Variants in NKAIN3 observed in about 807,000 individuals in gnomAD.
NKAIN3 encodes the protein sodium/potassium transporting ATPase interacting 3.
NKAIN3 carries 25 observed loss-of-function variants against 30.2 expected under a neutral mutation model. The observed-to-expected ratio is 0.83, with a 90% confidence interval of 0.60 to 1.16. The LOEUF is 1.16. Among genes scored for constraint, NKAIN3 ranks in the 50% most tolerant of loss-of-function variants. The pLI is 0.00. For missense variants in NKAIN3, 225 were observed against 254.1 expected (o/e 0.89, Z 0.78); for synonymous variants, 91 against 89.6 (o/e 1.02, Z -0.09).
intron 1 of NKAIN3, among the ~76,000 whole-genome samples, chr8:62,376,716 T>TA (rs1817095270): frequency 1.3e-5 from 2 of 152,196 alleles, no homozygotes. Flanking sequence ...GCCTAGGGAT[T>TA]ATATCATGGG....
At chr8:62,586,050 T>C (rs934863558) in intron 2 of NKAIN3, among the ~76,000 whole-genome samples, 5 of 152,202 alleles carry the variant, frequency 3.3e-5, no homozygotes, top group East Asian at 1.9e-4. Context: ...ACCTTGAAAT[T>C]AAAATTAGCT....
At chr8:62,395,379 C>T (rs979665392) in intron 1 of NKAIN3, among the ~76,000 whole-genome samples, 2 of 152,134 alleles carry the variant, frequency 1.3e-5, no homozygotes, top group African/African-American at 2.4e-5. Context: ...TGGGGGGTGG[C>T]CCGGCAGAAG....
chr8:62,579,915 G>C (rs1005821313), intron 2 of NKAIN3, among the ~76,000 whole-genome samples: 1 of 152,076 alleles, frequency 6.6e-6, no homozygotes, highest in Admixed American at 6.6e-5. Context: ...CACTCACAAC[G>C]TAACTGAATT....
intron 1 of NKAIN3, among the ~76,000 whole-genome samples, chr8:62,573,032 A>G (rs577023757): frequency 2.6e-5 from 4 of 152,210 alleles, no homozygotes; most frequent in Admixed American, 6.5e-5. Context: ...AATGATTCAT[A>G]GACTTGCAGG....
At chr8:62,856,948 C>T in intron 4 of NKAIN3, 1 of 567,382 alleles carries the variant, frequency 1.8e-6, no homozygotes, top group South Asian at 1.5e-5. Flanking sequence ...AAACATAGCC[C>T]TGGAGGCATC....
intron 4 of NKAIN3, among the ~76,000 whole-genome samples, chr8:62,773,138 T>G (rs1817077543): frequency 6.6e-6 from 1 of 152,190 alleles, no homozygotes; most frequent in Non-Finnish European, 1.5e-5. Flanking sequence ...CCCAGTCTAA[T>G]GTCTTGGAGA....
intron 1 of NKAIN3, among the ~76,000 whole-genome samples, chr8:62,557,691 C>T (rs979389294): frequency 1.3e-5 from 2 of 152,008 alleles, no homozygotes; most frequent in Non-Finnish European, 2.9e-5. Flanking sequence ...GTTTGTTGAC[C>T]ATTTGTATAT....
At chr8:62,274,366 T>G (rs1209196107) in intron 1 of NKAIN3, among the ~76,000 whole-genome samples, 1 of 152,126 alleles carries the variant, frequency 6.6e-6, no homozygotes, top group Non-Finnish European at 1.5e-5. Flanking sequence ...AAGTTGGGTG[T>G]AGTCTATGAT....
chr8:62,571,720 T>C (rs1252898602), intron 1 of NKAIN3, among the ~76,000 whole-genome samples: 1 of 152,170 alleles, frequency 6.6e-6, no homozygotes, highest in Non-Finnish European at 1.5e-5. Flanking sequence ...TAGACTTCTG[T>C]GCACCCACAG....
intron 4 of NKAIN3, chr8:62,856,874 A>G: frequency 1.7e-6 from 1 of 591,210 alleles, no homozygotes; most frequent in Non-Finnish European, 3.2e-6. Context: ...TTACTGATGT[A>G]CACACTTTGG....
chr8:62,676,629 C>T (rs1393189057), intron 3 of NKAIN3, among the ~76,000 whole-genome samples: 1 of 151,888 alleles, frequency 6.6e-6, no homozygotes, highest in Non-Finnish European at 1.5e-5. Flanking sequence ...GGTTTAAAAA[C>T]TAAAAATATC....
intron 1 of NKAIN3, among the ~76,000 whole-genome samples, chr8:62,303,799 A>T (rs906005052): frequency 2.0e-5 from 3 of 150,726 alleles, no homozygotes; most frequent in Non-Finnish European, 2.9e-5. Flanking sequence ...TCTAAAACTC[A>T]TAACCTAATG....
intron 4 of NKAIN3, among the ~76,000 whole-genome samples, chr8:62,764,465 C>T (rs1816771093): frequency 8.1e-6 from 1 of 122,944 alleles, no homozygotes; most frequent in African/African-American, 2.7e-5. Flanking sequence ...AGGTAATATA[C>T]AAATAAGTAT....
chr8:62,763,302 G>A (rs1816732943), intron 4 of NKAIN3, among the ~76,000 whole-genome samples: 1 of 104,246 alleles, frequency 9.6e-6, no homozygotes, highest in African/African-American at 3.2e-5. Context: ...TCTAGAAACA[G>A]AAAGTATGCC....
chr8:62,822,124 T>G (rs978398785), intron 4 of NKAIN3, among the ~76,000 whole-genome samples: 2 of 152,136 alleles, frequency 1.3e-5, no homozygotes, highest in Non-Finnish European at 2.9e-5. Flanking sequence ...GGAAAAATCT[T>G]TCTGTTATCA....
intron 3 of NKAIN3, among the ~76,000 whole-genome samples, chr8:62,743,402 T>C (rs4621803): frequency 0.84 from 127,655 of 152,092 alleles, 53,889 homozygotes; most frequent in Non-Finnish European, 0.89. Context: ...TTTTCCCCGT[T>C]GAAAGGGTCA....
intron 1 of NKAIN3, among the ~76,000 whole-genome samples, chr8:62,516,337 C>A (rs1223261924): frequency 6.6e-6 from 1 of 152,088 alleles, no homozygotes; most frequent in Non-Finnish European, 1.5e-5. Flanking sequence ...ATGGTGCCAG[C>A]ACTATCATAT....
rs1374775273 is a variant in NKAIN3 at position 62,971,425 on chromosome 8, T to C, written c.*6018T>C. On this transcript the variant is annotated 3_prime_UTR_variant, in exon 7 of 7. Coordinates refer to ENST00000623646, the MANE Select transcript of NKAIN3 (RefSeq NM_001304533.3). ...GCCAAGGCGTGCAGATCACTTGAGC[T>C]TACGAGTTCGAGACCAGCCTGAGCA... Among the ~76,000 whole-genome samples the C allele has an allele frequency of 6.6e-6, 1 of 151,938 alleles. No homozygotes were observed. Among genetic ancestry groups the C allele is most frequent in the African/African-American group, 2.4e-5 (1 of 41,410 alleles).
intron 4 of NKAIN3, among the ~76,000 whole-genome samples, chr8:62,754,589 T>C (rs1288663774): frequency 1.3e-5 from 2 of 152,178 alleles, no homozygotes; most frequent in African/African-American, 4.8e-5. Context: ...CCTTTGGAGG[T>C]TGTCACCATG....
Sources: gnomAD v4.1 joint callset for allele counts (sites outside exome capture counted in the v4.1 genomes callset) on GRCh38, gnomAD v4.1.1 for gene constraint, MANE v1.5 for transcripts, NCBI Gene and HGNC (gene_info 2026-07-23, HGNC 2026-07-21) for gene names.